SP3: variants seen among roughly 807,000 people sequenced by gnomAD.
SP3 encodes the protein Sp3 transcription factor, also known as transcription factor Sp3.
A neutral mutation model predicts 70.3 loss-of-function variants in SP3; 10 were observed. That is an observed-to-expected ratio of 0.14 (90% CI 0.09 to 0.24). The LOEUF (loss-of-function observed/expected upper bound fraction) is 0.24. SP3 is among the 10% of genes least tolerant of loss of function. SP3 has a pLI of 1.00. For synonymous variants in SP3, 402 were observed against 333.5 expected (o/e 1.21, Z -2.24); for missense variants, 825 against 914.6 (o/e 0.90, Z 1.26).
rs1689281338 is a variant in SP3 at position 173,905,271 on chromosome 2, A to T, written c.*4670T>A. On this transcript the variant is annotated 3_prime_UTR_variant, in exon 7 of 7. Coordinates refer to ENST00000310015, the MANE Select transcript of SP3 (RefSeq NM_003111.5). ...AATCTCCAGAGTTAAGGGGGGAGGA[A>T]GGCATTGGAAGGAGGTTACCATTTG... is the stretch of plus-strand genomic sequence containing the variant. Among the ~76,000 whole-genome samples, 1 of 152,224 alleles carries T rather than the reference A, an allele frequency of 6.6e-6. No individual in the cohort carries two copies. The highest frequency in any genetic ancestry group is 2.4e-5 in the African/African-American group (1 of 41,466).
Position 173,934,024 on chromosome 2 carries a change from G to T in SP3, c.1640-15239C>A, listed in dbSNP as rs186659168. The stretch of plus-strand genomic sequence containing the variant: ...AGGTGGGAGGATAGCTTGAGCCCAG[G>T]TGTTCAAGACCAGCCTAGGCAACAT... On this transcript the variant is annotated intron_variant, in intron 4 of 6. Transcript: ENST00000310015. Among the ~76,000 whole-genome samples, 35 of 152,094 alleles carry T rather than the reference G, an allele frequency of 2.3e-4. No homozygotes were observed. The East Asian group carries it at 6.8e-3, about 29-fold the overall frequency.
At chr2:173,953,208 A>G (rs1690768554) in intron 4 of SP3, among the ~76,000 whole-genome samples, 1 of 152,246 alleles carries the variant, frequency 6.6e-6, no homozygotes, top group Non-Finnish European at 1.5e-5. Flanking sequence ...AGCAACAACT[A>G]TTACAGTTTG....
At chr2:173,919,713 G>A (rs951906294) in intron 4 of SP3, among the ~76,000 whole-genome samples, 2 of 152,128 alleles carry the variant, frequency 1.3e-5, no homozygotes. Flanking sequence ...CGTACAGACT[G>A]TTGGCAAAGA....
chr2:173,963,087 T>A (rs953352104), intron 3 of SP3: 1 of 152,204 alleles, frequency 6.6e-6, no homozygotes, highest in South Asian at 2.1e-4. Context: ...TTTCTAACAC[T>A]GTTATATTCA....
At chr2:173,952,899 G>A (rs905832145) in intron 4 of SP3, among the ~76,000 whole-genome samples, 3 of 152,188 alleles carry the variant, frequency 2.0e-5, no homozygotes, top group African/African-American at 7.2e-5. Flanking sequence ...GAGGGGAAGT[G>A]AATGATGAGT....
chr2:173,944,072 C>T (rs1014886158), intron 4 of SP3, among the ~76,000 whole-genome samples: 1 of 152,198 alleles, frequency 6.6e-6, no homozygotes, highest in Non-Finnish European at 1.5e-5. Flanking sequence ...ATATGTGGTT[C>T]GCTGCTGACT....
chr2:173,955,397 T>C lies in SP3; in HGVS notation c.1115A>G (p.Tyr372Cys), dbSNP rs764298714. The C allele has an allele frequency of 5.0e-6, 8 of 1,613,978 alleles. No homozygotes were observed. Among genetic ancestry groups the C allele is most frequent in the Non-Finnish European group, 6.8e-6 (8 of 1,180,030 alleles). ...QVHSSDLQGN[Y>C]IQSPVSEETQ... ...CTCTTCAGAAACAGGCGACTGGATA[T>C]AATTTCCCTGAAGATCTGAAGAATG... is the stretch of plus-strand genomic sequence containing the variant. The change falls in exon 4 of 7, where the codon TAT (tyrosine) becomes TGT (cysteine). Residue 372 changes from tyrosine to cysteine, a missense_variant. Coordinates refer to ENST00000310015, the MANE Select transcript of SP3 (RefSeq NM_003111.5).
At chr2:173,931,311 T>C (rs1163927171) in intron 4 of SP3, among the ~76,000 whole-genome samples, 2 of 151,450 alleles carry the variant, frequency 1.3e-5, no homozygotes, top group African/African-American at 4.9e-5. Context: ...AGCAGATCAC[T>C]TGAGGTCAGG....
At chr2:173,933,074 C>A (rs1690109289) in intron 4 of SP3, among the ~76,000 whole-genome samples, 1 of 152,036 alleles carries the variant, frequency 6.6e-6, no homozygotes, top group South Asian at 2.1e-4. Flanking sequence ...ACAAAGTGAT[C>A]ACGTTCTGAT....
At chr2:173,926,130 A>G (rs1487843081) in intron 4 of SP3, among the ~76,000 whole-genome samples, 1 of 152,162 alleles carries the variant, frequency 6.6e-6, no homozygotes, top group Non-Finnish European at 1.5e-5. Flanking sequence ...ATTGGATCTT[A>G]ATGTAGTTTA....
At position 173,943,002 on chromosome 2, in the gene SP3, T is replaced by C. The variant is rs28680834; in HGVS notation, c.1639+11871A>G. Among the ~76,000 whole-genome samples the C allele has an allele frequency of 7.1e-3, 1,088 of 152,172 alleles. 13 individuals are homozygous for C. The highest frequency in any genetic ancestry group is 0.025 in the African/African-American group (1,024 of 41,506). ...AGGATGTGTGTAGGTTATATGCAAA[T>C]ACTACAAGAGACTAGAGCATCTGGG... On this transcript the variant is annotated intron_variant, in intron 4 of 6. Transcript: ENST00000310015.
chr2:173,932,704 T>A (rs1690099926), intron 4 of SP3, among the ~76,000 whole-genome samples: 1 of 151,948 alleles, frequency 6.6e-6, no homozygotes, highest in Non-Finnish European at 1.5e-5. Context: ...AGTATAATAA[T>A]AATGAAGGTC....
chr2:173,932,061 A>C (rs1261292026), intron 4 of SP3, among the ~76,000 whole-genome samples: 1 of 152,234 alleles, frequency 6.6e-6, no homozygotes, highest in East Asian at 1.9e-4. Flanking sequence ...CTTCTGGTCT[A>C]TCTGGGCTTT....
chr2:173,933,736 C>A (rs11899076), intron 4 of SP3, among the ~76,000 whole-genome samples: 5,442 of 146,110 alleles, frequency 0.037, 356 homozygotes, highest in African/African-American at 0.13. Flanking sequence ...TCAATAAATT[C>A]TACCTTTATT....
intron 4 of SP3, among the ~76,000 whole-genome samples, chr2:173,930,402 T>C (rs1377896419): frequency 6.6e-6 from 1 of 151,822 alleles, no homozygotes; most frequent in African/African-American, 2.4e-5. Flanking sequence ...CTGCCTCTAA[T>C]TTAATTAAAA....
intron 4 of SP3, among the ~76,000 whole-genome samples, chr2:173,950,940 G>A (rs775421608): frequency 1.4e-4 from 21 of 151,848 alleles, no homozygotes; most frequent in Non-Finnish European, 2.5e-4. Flanking sequence ...TAATTTCCCC[G>A]TTCCTTTAAA....
intron 4 of SP3, among the ~76,000 whole-genome samples, chr2:173,947,311 G>A (rs188231312): frequency 2.0e-5 from 3 of 151,988 alleles, no homozygotes; most frequent in Admixed American, 6.5e-5. Flanking sequence ...TTAACTGCTC[G>A]TTCATTATCT....
At chr2:173,914,364 G>C (rs937505561) in intron 5 of SP3, 2 of 151,458 alleles carry the variant, frequency 1.3e-5, no homozygotes, top group East Asian at 3.9e-4. Flanking sequence ...ACTTTCTATA[G>C]CCTGTAAATC....
At chr2:173,910,558 G>GTGT (rs1400899527) in intron 6 of SP3, among the ~76,000 whole-genome samples, 3 of 152,116 alleles carry the variant, frequency 2.0e-5, no homozygotes, top group Admixed American at 2.0e-4. Context: ...TGAAATACCT[G>GTGT]TGTTAAGATG....
Sources: allele counts gnomAD v4.1 joint callset (sites outside exome capture counted in the v4.1 genomes callset), GRCh38; gene constraint gnomAD v4.1.1; transcripts MANE v1.5; gene names NCBI Gene and HGNC (gene_info 2026-07-23, HGNC 2026-07-21).